Variants in KDM7A observed in about 807,000 individuals in gnomAD.
KDM7A encodes lysine demethylase 7A.
A neutral mutation model predicts 114.8 loss-of-function variants in KDM7A; 28 were observed. The observed-to-expected ratio is 0.24, with a 90% CI of 0.18 to 0.33. The LOEUF (loss-of-function observed/expected upper bound fraction) is 0.33. Among genes scored for constraint, KDM7A ranks in the 10% least tolerant of loss-of-function variants. KDM7A has a pLI of 1.00. For missense variants in KDM7A, 942 were observed against 1,142.5 expected, an observed-to-expected ratio of 0.82 and a Z score of 2.53; for synonymous variants, 423 against 397.8, an observed-to-expected ratio of 1.06 and a Z score of -0.75.
rs1389208625 is a variant in KDM7A at position 140,092,770 on chromosome 7, CATTT to C, written c.2458-697_2458-694del. The stretch of plus-strand genomic sequence containing the variant: ...GCTAATCATCCATCCTCTATGTCTT[CATTT>C]ATTTTCAAAAACAATTATAAAAAGA... On this transcript the variant is annotated intron_variant, in intron 18 of 19. Transcript: ENST00000397560. Among the ~76,000 whole-genome samples the C allele has an allele frequency of 2.0e-5, 3 of 152,176 alleles. No individual in the cohort carries two copies. The East Asian group carries it at 5.8e-4, about 29-fold the overall frequency.
In KDM7A at chr7:140,088,295, G is replaced by A. The variant is rs1817966927; in HGVS notation, c.*2799C>T. On this transcript the variant is annotated 3_prime_UTR_variant, in exon 20 of 20. Coordinates refer to ENST00000397560, the MANE Select transcript of KDM7A (RefSeq NM_030647.2). ...TCAATATTGAAAAGCATAATATTAT[G>A]TGACATTGTAAATTATAATCCAATG... The A allele has an allele frequency of 2.6e-6, 1 of 382,432 alleles. No individual in the cohort carries two copies. Among genetic ancestry groups the A allele is most frequent in the Non-Finnish European group, 4.6e-6 (1 of 215,966 alleles). 23.7% of individuals were successfully genotyped at this position (382,432 alleles called of 1,614,324 possible).
Position 140,098,762 on chromosome 7 carries a change from G to A in KDM7A, c.1918+117C>T, listed in dbSNP as rs1818155714. 8.4e-6 allele frequency: 7 copies of A among 837,290 alleles called. No homozygotes were observed. The East Asian group carries it at 1.6e-4, about 19-fold the overall frequency. The allele number at this position is 837,290 out of a possible 1,614,324, so 51.9% of individuals were successfully genotyped here. On this transcript the variant is annotated intron_variant, in intron 14 of 19. Coordinates refer to ENST00000397560, the MANE Select transcript of KDM7A (RefSeq NM_030647.2). ...CTTCAGATTTTTCAAGACAGTTTTA[G>A]GGACACAAAAGTTTTCTGCTATTTT...
rs145043799 is a variant in KDM7A at position 140,160,417 on chromosome 7, T to G, written c.194+16327A>C. ...TTCTGTCCTCTTAGAATGTCTGAGG[T>G]GGTGACTGAATCAGCAGCTGCCCTG... On this transcript the variant is annotated intron_variant, in intron 1 of 19. Coordinates refer to ENST00000397560, the MANE Select transcript of KDM7A (RefSeq NM_030647.2). Among the ~76,000 whole-genome samples the G allele has an allele frequency of 7.9e-4, 120 of 152,302 alleles. No individual in the cohort carries two copies. The East Asian group carries it at 0.017, about 22-fold the overall frequency.
At chr7:140,118,029 T>A (rs1818559749) in intron 9 of KDM7A, among the ~76,000 whole-genome samples, 1 of 152,230 alleles carries the variant, frequency 6.6e-6, no homozygotes, top group Non-Finnish European at 1.5e-5. Context: ...GGGAAGTAAA[T>A]TTTTGGTTAT....
intron 11 of KDM7A, among the ~76,000 whole-genome samples, chr7:140,110,066 C>G (rs1818407079): frequency 6.6e-6 from 1 of 152,110 alleles, no homozygotes; most frequent in Non-Finnish European, 1.5e-5. Context: ...CTCTCTAGAC[C>G]AGTTTAATTA....
Position 140,133,656 on chromosome 7 carries a change from A to C in KDM7A, c.281T>G (p.Met94Arg). 1.3e-6 allele frequency: 2 copies of C among 1,558,740 alleles called. No individual in the cohort carries two copies. The highest frequency in any genetic ancestry group is 1.8e-5 in the Admixed American group (1 of 56,686). Residue 94 changes from methionine to arginine, a missense_variant and splice_region_variant, in exon 3 of 20, where the codon ATG becomes AGG. Physicochemically the swap from Met to Arg is moderately conservative, Grantham distance 91 (BLOSUM62 -1). Around this residue, in one of 4 missense-constraint regions of KDM7A, gnomAD observed 318 missense variants for 453.1 expected, o/e 0.70. Coordinates refer to ENST00000397560, the MANE Select transcript of KDM7A (RefSeq NM_030647.2). Reference sequence around the variant, plus strand: ...TCTGTGCCAGTTCCTCCTTTTTTTCACTGGATTTTTAAAAGATTAAAAAAA... The same window carrying C: ...TCTGTGCCAGTTCCTCCTTTTTTTCCCTGGATTTTTAAAAGATTAAAAAAA... ...NCAVLHGSSL[M>R]KKRRNWHRHD...
chr7:140,119,686 G>T (rs1372595941), intron 8 of KDM7A, among the ~76,000 whole-genome samples: 1 of 151,392 alleles, frequency 6.6e-6, no homozygotes, highest in African/African-American at 2.4e-5. Context: ...GGTACAAAAA[G>T]ACAAGATCCA....
chr7:140,171,559 T>A (rs1218502111), intron 1 of KDM7A, among the ~76,000 whole-genome samples: 4 of 108,796 alleles, frequency 3.7e-5, no homozygotes, highest in Non-Finnish European at 5.7e-5. Flanking sequence ...ATATATTTAT[T>A]TTTATATATT....
chr7:140,106,964 G>C (rs911712303), intron 11 of KDM7A, among the ~76,000 whole-genome samples: 4 of 152,132 alleles, frequency 2.6e-5, no homozygotes, highest in Non-Finnish European at 4.4e-5. Context: ...ATGAATCTGG[G>C]TGCATATATA....
At chr7:140,097,793 T>C in intron 14 of KDM7A, 151 bp from the exon 15 acceptor site, 1 of 542,190 alleles carries the variant, frequency 1.8e-6, no homozygotes, top group Non-Finnish European at 3.3e-6. Flanking sequence ...TCTTCATTTC[T>C]TTCTCCCCTT....
intron 10 of KDM7A, among the ~76,000 whole-genome samples, chr7:140,113,030 C>G (rs1289303892): frequency 1.3e-5 from 2 of 152,184 alleles, no homozygotes; most frequent in Non-Finnish European, 2.9e-5. Flanking sequence ...GTTTTAAGTC[C>G]TAACTTCACC....
intron 9 of KDM7A, among the ~76,000 whole-genome samples, chr7:140,113,956 A>G (rs542352257): frequency 2.6e-5 from 4 of 152,174 alleles, no homozygotes; most frequent in Admixed American, 6.5e-5. Flanking sequence ...AGATTTTAAA[A>G]TAAGTTAAAT....
chr7:140,173,593 C>A (rs1015958826), intron 1 of KDM7A, among the ~76,000 whole-genome samples: 1 of 152,030 alleles, frequency 6.6e-6, no homozygotes, highest in Non-Finnish European at 1.5e-5. Context: ...AAGAAATTAC[C>A]CAGGCAATGG....
intron 1 of KDM7A, among the ~76,000 whole-genome samples, chr7:140,154,421 G>A (rs1794435814): frequency 6.6e-6 from 1 of 151,094 alleles, no homozygotes; most frequent in East Asian, 1.9e-4. Context: ...TTGAGCCCGG[G>A]AGTTTGAGGC....
At chr7:140,156,576 T>C (rs112213057) in intron 1 of KDM7A, among the ~76,000 whole-genome samples, 10,151 of 152,100 alleles carry the variant, frequency 0.067, 397 homozygotes, top group Non-Finnish European at 0.09. Flanking sequence ...CTGGGGACAT[T>C]TGGAAGACTA....
intron 1 of KDM7A, among the ~76,000 whole-genome samples, chr7:140,175,891 A>G (rs1405364357): frequency 6.6e-6 from 1 of 152,050 alleles, no homozygotes; most frequent in African/African-American, 2.4e-5. Flanking sequence ...CACTCTTTGT[A>G]AAGTTTAAGC....
intron 1 of KDM7A, among the ~76,000 whole-genome samples, chr7:140,142,141 T>C (rs548270208): frequency 2.0e-5 from 3 of 149,592 alleles, no homozygotes; most frequent in Admixed American, 2.0e-4. Flanking sequence ...CCAAAGTAGA[T>C]GATAAACCTA....
chr7:140,163,392 C>T (rs905128915), intron 1 of KDM7A, among the ~76,000 whole-genome samples: 2 of 152,104 alleles, frequency 1.3e-5, no homozygotes, highest in African/African-American at 2.4e-5. Context: ...AATTCCTGCA[C>T]TCAAGCCTCA....
chr7:140,169,158 C>A (rs556327834), intron 1 of KDM7A, among the ~76,000 whole-genome samples: 1 of 152,246 alleles, frequency 6.6e-6, no homozygotes, highest in South Asian at 2.1e-4. Flanking sequence ...TACAAGTTAC[C>A]ATTAACTCAA....
Sources: allele counts gnomAD v4.1 joint callset (sites outside exome capture counted in the v4.1 genomes callset), GRCh38; gene constraint gnomAD v4.1.1; regional missense constraint gnomAD v4.1.1; transcripts MANE v1.5; gene names NCBI Gene and HGNC (gene_info 2026-07-23, HGNC 2026-07-21).